Variants in BARD1 observed in about 807,000 individuals in gnomAD.
BARD1 encodes the protein BRCA1-associated RING domain protein 1.
A neutral mutation model predicts 77.0 loss-of-function variants in BARD1; 73 were observed. The observed-to-expected ratio is 0.95, with a 90% CI of 0.79 to 1.15. BARD1 has a LOEUF of 1.15. Ranked by LOEUF, BARD1 falls within the 50% of genes most tolerant of loss-of-function variation. BARD1 has a pLI of 0.00. For missense variants in BARD1, 993 were observed against 938.8 expected, an observed-to-expected ratio of 1.06 and a Z score of -0.75; for synonymous variants, 384 against 338.0, an observed-to-expected ratio of 1.14 and a Z score of -1.49.
intron 4 of BARD1, among the ~76,000 whole-genome samples, chr2:214,772,851 C>T (rs562342611): frequency 6.6e-6 from 1 of 152,198 alleles, no homozygotes; most frequent in South Asian, 2.1e-4. Flanking sequence ...TATGAAGTAG[C>T]CAGGAAATAA....
chr2:214,742,678 A>C (rs890515708), intron 9 of BARD1, among the ~76,000 whole-genome samples: 1 of 152,214 alleles, frequency 6.6e-6, no homozygotes, highest in African/African-American at 2.4e-5. Flanking sequence ...CCAAGATATT[A>C]AAGTGACAAA....
chr2:214,752,002 C>G (rs548304144), intron 7 of BARD1, among the ~76,000 whole-genome samples: 1 of 152,330 alleles, frequency 6.6e-6, no homozygotes, highest in African/African-American at 2.4e-5. Context: ...CAAATCAGTG[C>G]TTTAAGGCTC....
intron 1 of BARD1, among the ~76,000 whole-genome samples, chr2:214,804,467 A>G (rs1273458696): frequency 6.6e-6 from 1 of 152,264 alleles, no homozygotes; most frequent in Non-Finnish European, 1.5e-5. Context: ...CCATAAATAA[A>G]TAAATCTCAC....
In BARD1 at chr2:214,780,712, T is replaced by C. The variant is rs1553622215; in HGVS notation, c.1162A>G (p.Ile388Val). 1.9e-6 allele frequency: 3 copies of C among 1,614,106 alleles called. No individual in the cohort carries two copies. Among genetic ancestry groups the C allele is most frequent in the Non-Finnish European group, 2.5e-6 (3 of 1,179,966 alleles). ...RKNSNMSDEF[I>V]SLSPGTPPST... ...GGTGGTGTACCTGGTGAAAGACTAA[T>C]GAATTCATCGGACATGTTACTGTTT... The change falls in exon 4 of 11, where the codon ATT (isoleucine) becomes GTT (valine). Residue 388 changes from isoleucine (I) to valine (V), a missense_variant. Coordinates refer to ENST00000260947, the MANE Select transcript of BARD1 (RefSeq NM_000465.4).
In BARD1 at chr2:214,781,062, C is replaced by T. The variant is rs1467019395; in HGVS notation, c.812G>A (p.Cys271Tyr). 2 of 1,604,178 alleles carry T rather than the reference C, an allele frequency of 1.2e-6. No homozygotes were observed. The highest frequency in any genetic ancestry group is 2.2e-5 in the East Asian group (1 of 44,774). ...AGAGACTTCAGTTAAACTTCCAAAA[C>T]ATTCAGATTCTGTCAAGGAGCCACT... ...LASGSLTESE[C>Y]FGSLTEVSLP... Residue 271 changes from cysteine to tyrosine, a missense_variant, in exon 4 of 11, where the codon TGT (cysteine) becomes TAT (tyrosine). Coordinates refer to ENST00000260947, the MANE Select transcript of BARD1 (RefSeq NM_000465.4).
intron 6 of BARD1, among the ~76,000 whole-genome samples, chr2:214,765,661 T>C (rs1694162448): frequency 6.6e-6 from 1 of 152,100 alleles, no homozygotes; most frequent in Admixed American, 6.6e-5. Context: ...ACCAAATAGC[T>C]TGCAACACAT....
chr2:214,735,806 A>G (rs1692542804), intron 9 of BARD1, among the ~76,000 whole-genome samples: 1 of 152,164 alleles, frequency 6.6e-6, no homozygotes, highest in African/African-American at 2.4e-5. Flanking sequence ...CAGAAGACTA[A>G]CAACTGAATA....
rs148726092 is a variant in BARD1 at position 214,772,940 on chromosome 2, G to C, written c.1315-3628C>G. On this transcript the variant is annotated intron_variant, in intron 4 of 10. Coordinates refer to ENST00000260947, the MANE Select transcript of BARD1 (RefSeq NM_000465.4). Reference sequence around the variant, plus strand: ...CTCCTCACAACTTGAAAGAATAATTGAACTTTTCTTAAACCACAGCAAACA... The same window carrying C: ...CTCCTCACAACTTGAAAGAATAATTCAACTTTTCTTAAACCACAGCAAACA... Among the ~76,000 whole-genome samples the C allele has an allele frequency of 7.8e-4, 118 of 152,256 alleles. 1 individual carries two copies. In the East Asian group the frequency reaches 0.022, roughly 28 times the overall value.
At chr2:214,801,291 G>A (rs535972499) in intron 1 of BARD1, among the ~76,000 whole-genome samples, 31 of 152,198 alleles carry the variant, frequency 2.0e-4, no homozygotes, top group African/African-American at 7.5e-4. Context: ...ACAACTACAT[G>A]GTGTTTAGTA....
intron 2 of BARD1, 45 bp downstream of exon 2, chr2:214,797,016 T>G (rs756713396): frequency 9.8e-6 from 14 of 1,434,812 alleles, no homozygotes; most frequent in Non-Finnish European, 1.4e-5. Context: ...TGTTATCTAG[T>G]AAAAAATACA....
At chr2:214,774,270 A>T (rs1380812460) in intron 4 of BARD1, among the ~76,000 whole-genome samples, 2 of 152,200 alleles carry the variant, frequency 1.3e-5, no homozygotes, top group Admixed American at 6.5e-5. Context: ...CCCATGAATC[A>T]TCAATGATAT....
At chr2:214,737,125 G>A (rs1014344092) in intron 9 of BARD1, among the ~76,000 whole-genome samples, 10 of 152,056 alleles carry the variant, frequency 6.6e-5, no homozygotes, top group African/African-American at 1.7e-4. Context: ...CGACTCAAAT[G>A]CCTACAAAAG....
intron 10 of BARD1, 94 bp downstream of exon 10, chr2:214,730,317 C>A: frequency 9.5e-7 from 1 of 1,054,658 alleles, no homozygotes. Flanking sequence ...AATCAGTCAC[C>A]TGTAGCTGTT....
chr2:214,768,026 C>T (rs1202649660), intron 5 of BARD1, among the ~76,000 whole-genome samples: 1 of 152,118 alleles, frequency 6.6e-6, no homozygotes, highest in East Asian at 1.9e-4. Context: ...AAAATCTGTA[C>T]CAGTACATAC....
At position 214,768,146 on chromosome 2, in the gene BARD1, C is replaced by T. The variant is rs556764977; in HGVS notation, c.1396-492G>A. The stretch of plus-strand genomic sequence containing the variant: ...GCTGTTATTGATAAGAGAAATAACA[C>T]GAGTAGGAATACAAAAAGAGCTTGC... On this transcript the variant is annotated intron_variant, in intron 5 of 10. Transcript: ENST00000260947. 3.5e-4 allele frequency among the ~76,000 whole-genome samples: 53 copies of T among 152,208 alleles called. No individual in the cohort carries two copies. The South Asian group carries it at 9.7e-3, about 28-fold the overall frequency.
chr2:214,774,065 C>T (rs1694634546), intron 4 of BARD1, among the ~76,000 whole-genome samples: 1 of 152,208 alleles, frequency 6.6e-6, no homozygotes, highest in Admixed American at 6.5e-5. Context: ...ACGCCTCATC[C>T]ATTGAAGTTT....
In BARD1 at chr2:214,760,044, T is replaced by C. The variant is rs535458964; in HGVS notation, c.1568+7438A>G. On this transcript the variant is annotated intron_variant, in intron 6 of 10. Transcript: ENST00000260947. ...CCACACACATTCAATGTCTAACTTATATGACTGAGTTGGTTACTGTCCCCA... is the reference window on the plus strand; with the variant it reads ...CCACACACATTCAATGTCTAACTTACATGACTGAGTTGGTTACTGTCCCCA... Among the ~76,000 whole-genome samples, 4 of 152,298 alleles carry C rather than the reference T, an allele frequency of 2.6e-5. No individual in the cohort carries two copies. In the South Asian group the frequency reaches 8.3e-4, roughly 32 times the overall value.
intron 6 of BARD1, among the ~76,000 whole-genome samples, chr2:214,764,140 G>A (rs115177176): frequency 4.3e-4 from 65 of 152,320 alleles, no homozygotes; most frequent in African/African-American, 1.5e-3. Flanking sequence ...AGTGGCAGAA[G>A]GAGGCAATTC....
chr2:214,765,244 G>C (rs962825956), intron 6 of BARD1, among the ~76,000 whole-genome samples: 2 of 152,102 alleles, frequency 1.3e-5, no homozygotes, highest in Non-Finnish European at 2.9e-5. Flanking sequence ...ACCTAAATTT[G>C]CCACTTCACT....
Sources: allele counts gnomAD v4.1 joint callset (sites outside exome capture counted in the v4.1 genomes callset), GRCh38; gene constraint gnomAD v4.1.1; transcripts MANE v1.5; gene names NCBI Gene and HGNC (gene_info 2026-07-23, HGNC 2026-07-21).